DOK7: variants seen among roughly 807,000 people sequenced by gnomAD.
DOK7 encodes docking protein 7, also known as protein Dok-7.
A neutral mutation model predicts 30.7 loss-of-function variants in DOK7; 32 were observed. The observed-to-expected ratio is 1.04, with a 90% CI of 0.79 to 1.40. The LOEUF (loss-of-function observed/expected upper bound fraction) is 1.40. DOK7 is among the 40% of genes most tolerant of loss of function. The pLI, the probability that DOK7 is intolerant of heterozygous loss-of-function variation, is 0.00. For missense variants in DOK7, 1,007 were observed against 699.2 expected (o/e 1.44, Z -4.97); for synonymous variants, 447 against 324.1 (o/e 1.38, Z -4.07).
At chr4:3,480,360 C>T (rs959997312) in intron 4 of DOK7, among the ~76,000 whole-genome samples, 1 of 152,198 alleles carries the variant, frequency 6.6e-6, no homozygotes, top group African/African-American at 2.4e-5. Flanking sequence ...GTAATCCCAG[C>T]ACTTTGGGAG....
At chr4:3,464,134 C>T (rs377383078) in intron 2 of DOK7, among the ~76,000 whole-genome samples, 50 of 152,124 alleles carry the variant, frequency 3.3e-4, no homozygotes, top group Admixed American at 1.1e-3. Context: ...CAGCCCAGGC[C>T]GCCTGCAGCG....
intron 6 of DOK7, among the ~76,000 whole-genome samples, chr4:3,491,897 G>A (rs1728489315): frequency 6.6e-6 from 1 of 152,212 alleles, no homozygotes; most frequent in African/African-American, 2.4e-5. Context: ...TGTTCCCACG[G>A]CCAAGTGCAG....
At chr4:3,468,733 TCTGC>T (rs1348128697) in intron 2 of DOK7, among the ~76,000 whole-genome samples, 10 of 131,424 alleles carry the variant, frequency 7.6e-5, no homozygotes, top group Admixed American at 2.4e-4. Context: ...TGCCTGTATG[TCTGC>T]CTGTGTATGT....
intron 4 of DOK7, among the ~76,000 whole-genome samples, chr4:3,483,605 G>A (rs1017286325): frequency 1.1e-4 from 16 of 152,218 alleles, no homozygotes; most frequent in African/African-American, 2.2e-4. Flanking sequence ...GTGACGCTCC[G>A]CAGACGCCGC....
rs756843197 is a variant in DOK7 at position 3,489,736 on chromosome 4, A to C, written c.712A>C (p.Thr238Pro). The C allele has an allele frequency of 1.3e-5, 20 of 1,568,400 alleles. No individual in the cohort carries two copies. The highest frequency in any genetic ancestry group is 1.7e-5 in the Non-Finnish European group (20 of 1,156,820). Reference protein sequence around the residue: ...EERVAQEALETLQLEKRLSLL... With the variant: ...EERVAQEALEPLQLEKRLSLL... ...GCGTGTGGCCCAGGAAGCCCTGGAA[A>C]CCCTACAGCTGGAGAAGCGGCTGAG... is the stretch of plus-strand genomic sequence containing the variant. Residue 238 changes from threonine to proline, a missense_variant, in exon 6 of 7, where the codon ACC becomes CCC. Transcript: ENST00000340083.
At chr4:3,491,174 T>TTCATTCCTTCCCCCCCTGC (rs1728384223) in intron 6 of DOK7, among the ~76,000 whole-genome samples, 1 of 58,138 alleles carries the variant, frequency 1.7e-5, no homozygotes, top group Non-Finnish European at 3.2e-5. Flanking sequence ...CTCCTGCTCA[T>TTCATTCCTTCCCCCCCTGC]TCATTCCTTC....
In DOK7 at chr4:3,476,562, G is replaced by A. The variant is rs2109344000; in HGVS notation, c.532+20G>A. ...GGTACTGTAAGTACGGATGTGTGGG[G>A]TCACTGGGCAGCAGCAGCACCCCCC... On this transcript the variant is annotated intron_variant, in intron 4 of 6. Coordinates refer to ENST00000340083, the MANE Select transcript of DOK7 (RefSeq NM_173660.5). 12 of 1,613,554 alleles carry A rather than the reference G, an allele frequency of 7.4e-6. No homozygotes were observed. The highest frequency in any genetic ancestry group is 1.0e-5 in the Non-Finnish European group (12 of 1,179,960).
In DOK7 at chr4:3,489,748, G is replaced by C. The variant is rs1413673634; in HGVS notation, c.724G>C (p.Glu242Gln). The C allele has an allele frequency of 1.9e-6, 3 of 1,570,808 alleles. No individual in the cohort carries two copies. The highest frequency in any genetic ancestry group is 4.7e-5 in the East Asian group (2 of 42,588). The change falls in exon 6 of 7, where the codon GAG becomes CAG. Residue 242 changes from glutamate (E) to glutamine (Q), a missense_variant. By Grantham distance (29) the Glu-to-Gln change is conservative. Transcript: ENST00000340083. ...AQEALETLQL[E>Q]KRLSLLSHAG... The stretch of plus-strand genomic sequence containing the variant: ...GGAAGCCCTGGAAACCCTACAGCTG[G>C]AGAAGCGGCTGAGCCTCCTCTCACA...
Position 3,489,781 on chromosome 4 carries a change from A to G in DOK7, c.757A>G (p.Arg253Gly), listed in dbSNP as rs370967580. 1.3e-5 allele frequency: 20 copies of G among 1,573,774 alleles called. No individual in the cohort carries two copies. Among genetic ancestry groups the G allele is most frequent in the Admixed American group, 7.3e-5 (4 of 54,724 alleles). Residue 253 changes from arginine (R) to glycine (G), a missense_variant, in exon 6 of 7, where the codon AGG becomes GGG. Arg to Gly is a moderately radical substitution (Grantham distance 125, BLOSUM62 -2). Coordinates refer to ENST00000340083, the MANE Select transcript of DOK7 (RefSeq NM_173660.5). ...GCTGAGCCTCCTCTCACATGCGGGC[A>G]GGCCGGGCAGTGGAGGTAGGGCCGG... is the stretch of plus-strand genomic sequence containing the variant. Reference protein sequence around the residue: ...KRLSLLSHAGRPGSGGDDRSL... With the variant: ...KRLSLLSHAGGPGSGGDDRSL...
chr4:3,492,781 C>T lies in DOK7; in HGVS notation c.795C>T (p.Ser265=). Residue 265 remains serine, a synonymous_variant, in exon 7 of 7, where the codon AGC becomes AGT. Coordinates refer to ENST00000340083, the MANE Select transcript of DOK7 (RefSeq NM_173660.5). ...CAGGGGATGACCGCAGCCTGTCCAGCTCATCCTCAGAGGCCAGTCACTTGG... is the reference window on the plus strand; with the variant it reads ...CAGGGGATGACCGCAGCCTGTCCAGTTCATCCTCAGAGGCCAGTCACTTGG... ...GSGGDDRSLS[S]SSSEASHLDV... 1 of 1,612,790 alleles carries T rather than the reference C, an allele frequency of 6.2e-7. No homozygotes were observed. The highest frequency in any genetic ancestry group is 8.5e-7 in the Non-Finnish European group (1 of 1,179,972).
chr4:3,491,636 A>C (rs1017550758), intron 6 of DOK7, among the ~76,000 whole-genome samples: 8 of 151,960 alleles, frequency 5.3e-5, no homozygotes, highest in Admixed American at 4.6e-4. Flanking sequence ...CTGCCCTGAG[A>C]GCCTTTGAAT....
chr4:3,494,421 T>C lies in DOK7; in HGVS notation c.*920T>C. 1.0e-6 allele frequency: 1 copy of C among 985,744 alleles called. No individual in the cohort carries two copies. Among genetic ancestry groups the C allele is most frequent in the South Asian group, 4.7e-5 (1 of 21,296 alleles). 61.1% of individuals were successfully genotyped at this position (985,744 alleles called of 1,614,324 possible). On this transcript the variant is annotated 3_prime_UTR_variant, in exon 7 of 7. Coordinates refer to ENST00000340083, the MANE Select transcript of DOK7 (RefSeq NM_173660.5). The stretch of plus-strand genomic sequence containing the variant: ...TGAACACCTCTTTGTCCCTTCACTG[T>C]CAGCTGTTTCTAAACCCAGACACTG...
downstream of DOK7, among the ~76,000 whole-genome samples, chr4:3,498,149 G>A (rs35725059): frequency 0.12 from 18,852 of 152,206 alleles, 1,261 homozygotes; most frequent in African/African-American, 0.14. Flanking sequence ...GGAGAGTGCA[G>A]AAGGGCCAGC....
intron 2 of DOK7, among the ~76,000 whole-genome samples, chr4:3,472,806 G>C (rs909151946): frequency 6.6e-6 from 1 of 152,244 alleles, no homozygotes; most frequent in Admixed American, 6.5e-5. Flanking sequence ...GAAGAGACTA[G>C]GGCCTGCTGT....
chr4:3,468,132 G>A (rs889354547), intron 2 of DOK7, among the ~76,000 whole-genome samples: 1 of 152,194 alleles, frequency 6.6e-6, no homozygotes, highest in Non-Finnish European at 1.5e-5. Context: ...GTGAATACCT[G>A]TGTGTGCAGG....
chr4:3,491,320 CT>C (rs1475651141), intron 6 of DOK7, among the ~76,000 whole-genome samples: 1 of 143,216 alleles, frequency 7.0e-6, no homozygotes, highest in Non-Finnish European at 1.5e-5. Context: ...CCTTCTCCCC[CT>C]GCTCATTCAT....
At chr4:3,469,395 T>C (rs1297009383) in intron 2 of DOK7, among the ~76,000 whole-genome samples, 1 of 152,064 alleles carries the variant, frequency 6.6e-6, no homozygotes, top group Non-Finnish European at 1.5e-5. Flanking sequence ...CCTGGCCAGG[T>C]TGCAGCCAAT....
intron 2 of DOK7, among the ~76,000 whole-genome samples, chr4:3,468,853 G>A (rs573139550): frequency 5.4e-4 from 81 of 148,904 alleles, no homozygotes; most frequent in East Asian, 3.8e-3. Flanking sequence ...ATGTGTGTGC[G>A]CGTATGAGTG....
chr4:3,498,012 TGGA>T (rs371678199), downstream of DOK7, among the ~76,000 whole-genome samples: 2 of 152,114 alleles, frequency 1.3e-5, no homozygotes, highest in African/African-American at 2.4e-5. Context: ...CAGTATCTGC[TGGA>T]GGATGTGAAT....
Sources: gnomAD v4.1 joint callset for allele counts (sites outside exome capture counted in the v4.1 genomes callset) on GRCh38, gnomAD v4.1.1 for gene constraint, MANE v1.5 for transcripts, NCBI Gene and HGNC (gene_info 2026-07-23, HGNC 2026-07-21) for gene names.